Variants in SGCZ observed in about 807,000 individuals in gnomAD.
SGCZ encodes zeta-sarcoglycan.
A neutral mutation model predicts 41.3 loss-of-function variants in SGCZ; 40 were observed. The ratio of observed to expected loss-of-function variants is 0.97; its 90% CI spans 0.75 to 1.26. SGCZ has a LOEUF of 1.26. Among genes scored for constraint, SGCZ ranks in the 50% most tolerant of loss-of-function variants. The pLI is 0.00. For synonymous variants in SGCZ, 206 were observed against 137.5 expected (o/e 1.50, Z -3.49); for missense variants, 552 against 369.8 (o/e 1.49, Z -4.04).
At chr8:14,372,605 G>T (rs1284797470) in intron 2 of SGCZ, among the ~76,000 whole-genome samples, 2 of 152,118 alleles carry the variant, frequency 1.3e-5, no homozygotes, top group Admixed American at 6.6e-5. Flanking sequence ...AGATTTGTAG[G>T]AGCAGCCTCA....
intron 1 of SGCZ, among the ~76,000 whole-genome samples, chr8:14,704,194 T>C (rs924930738): frequency 3.3e-5 from 5 of 152,032 alleles, no homozygotes; most frequent in African/African-American, 1.2e-4. Context: ...TACTCATAGA[T>C]GTTTAAAAAG....
chr8:14,199,448 T>C (rs974070157), intron 4 of SGCZ, among the ~76,000 whole-genome samples: 18 of 152,210 alleles, frequency 1.2e-4, no homozygotes, highest in South Asian at 2.1e-4. Context: ...CCTTTGGTCC[T>C]GTGATCTCGC....
intron 1 of SGCZ, among the ~76,000 whole-genome samples, chr8:15,076,312 G>A (rs1805528887): frequency 6.6e-6 from 1 of 151,988 alleles, no homozygotes; most frequent in African/African-American, 2.4e-5. Flanking sequence ...AGGTGATATG[G>A]GTAAACACAG....
intron 1 of SGCZ, among the ~76,000 whole-genome samples, chr8:14,896,850 G>A (rs1396405122): frequency 1.3e-5 from 2 of 150,846 alleles, no homozygotes; most frequent in South Asian, 2.1e-4. Flanking sequence ...GTGTGAACTC[G>A]GCTCACTGCA....
intron 1 of SGCZ, among the ~76,000 whole-genome samples, chr8:14,567,472 C>T (rs555480127): frequency 4.6e-5 from 7 of 152,198 alleles, no homozygotes; most frequent in African/African-American, 1.2e-4. Context: ...GGATTGTAAA[C>T]GCACCAATCA....
rs538737514 is a variant in SGCZ, at chr8:14,871,365, C to G, written c.40-316439G>C. On this transcript the variant is annotated intron_variant, in intron 1 of 7. Transcript: ENST00000382080. The stretch of plus-strand genomic sequence containing the variant: ...ATCTAGAACAAGAAATACCATTTGA[C>G]CCAGTAATCCCATTACTGCGTATAT... Among the ~76,000 whole-genome samples the G allele has an allele frequency of 1.6e-4, 25 of 152,182 alleles. No homozygotes were observed. In the South Asian group the frequency reaches 5.2e-3, roughly 32 times the overall value.
intron 6 of SGCZ, among the ~76,000 whole-genome samples, chr8:14,104,596 A>G (rs1208691173): frequency 6.6e-6 from 1 of 152,116 alleles, no homozygotes; most frequent in Non-Finnish European, 1.5e-5. Context: ...AAGGAAAGAA[A>G]GCAAATACCC....
intron 3 of SGCZ, among the ~76,000 whole-genome samples, chr8:14,316,650 T>C (rs1801724983): frequency 6.6e-6 from 1 of 152,020 alleles, no homozygotes; most frequent in African/African-American, 2.4e-5. Context: ...ATTTTGGTTT[T>C]TTGACCTCTC....
intron 1 of SGCZ, among the ~76,000 whole-genome samples, chr8:14,993,191 A>T (rs1030448645): frequency 6.6e-6 from 1 of 152,172 alleles, no homozygotes; most frequent in Non-Finnish European, 1.5e-5. Context: ...ACAGCCCTTT[A>T]ACTCACGAAG....
chr8:14,403,010 T>C (rs986872864), intron 2 of SGCZ, among the ~76,000 whole-genome samples: 1 of 149,908 alleles, frequency 6.7e-6, no homozygotes, highest in Non-Finnish European at 1.5e-5. Context: ...TTCACATCCC[T>C]TGTAAGTTGG....
chr8:15,033,242 T>G (rs1178561146), intron 1 of SGCZ, among the ~76,000 whole-genome samples: 3 of 151,670 alleles, frequency 2.0e-5, no homozygotes, highest in Non-Finnish European at 4.4e-5. Flanking sequence ...AGACCTAGCC[T>G]CCAGCCCAAC....
intron 3 of SGCZ, among the ~76,000 whole-genome samples, chr8:14,283,732 T>G (rs58355257): frequency 6.6e-6 from 1 of 152,048 alleles, no homozygotes; most frequent in South Asian, 2.1e-4. Context: ...TAATAAATAG[T>G]TTAGGATTTC....
At chr8:14,152,143 C>T (rs1803728747) in intron 5 of SGCZ, among the ~76,000 whole-genome samples, 1 of 151,290 alleles carries the variant, frequency 6.6e-6, no homozygotes, top group Non-Finnish European at 1.5e-5. Flanking sequence ...AGAAAACAAG[C>T]TATGAGAGTA....
chr8:14,444,047 A>G (rs909551347), intron 2 of SGCZ, among the ~76,000 whole-genome samples: 2 of 152,246 alleles, frequency 1.3e-5, no homozygotes, highest in African/African-American at 4.8e-5. Flanking sequence ...TGCAGCCAAA[A>G]GACACATGAA....
At chr8:14,477,764 G>A (rs1162375547) in intron 2 of SGCZ, among the ~76,000 whole-genome samples, 1 of 152,166 alleles carries the variant, frequency 6.6e-6, no homozygotes, top group Non-Finnish European at 1.5e-5. Context: ...AGAAGGAAAT[G>A]TAGGAAATGT....
At chr8:15,193,513 A>G (rs1203836685) in intron 1 of SGCZ, among the ~76,000 whole-genome samples, 1 of 152,092 alleles carries the variant, frequency 6.6e-6, no homozygotes, top group East Asian at 1.9e-4. Context: ...GATGAAAAAT[A>G]TTGAAAACCA....
At chr8:14,459,543 T>C (rs1800843072) in intron 2 of SGCZ, among the ~76,000 whole-genome samples, 1 of 152,156 alleles carries the variant, frequency 6.6e-6, no homozygotes, top group African/African-American at 2.4e-5. Flanking sequence ...CTAATGTGAG[T>C]AAACAGAAGT....
At chr8:14,732,878 T>C (rs577066263) in intron 1 of SGCZ, among the ~76,000 whole-genome samples, 1 of 152,286 alleles carries the variant, frequency 6.6e-6, no homozygotes, top group East Asian at 1.9e-4. Context: ...ATGAATGGCC[T>C]GGTAATGATG....
At chr8:14,404,784 C>A (rs569359162) in intron 2 of SGCZ, among the ~76,000 whole-genome samples, 1 of 152,320 alleles carries the variant, frequency 6.6e-6, no homozygotes, top group African/African-American at 2.4e-5. Context: ...TCTCAAGGTG[C>A]TGAAACCTGC....
Sources: gnomAD v4.1 joint callset for allele counts (sites outside exome capture counted in the v4.1 genomes callset) on GRCh38, gnomAD v4.1.1 for gene constraint, MANE v1.5 for transcripts, NCBI Gene and HGNC (gene_info 2026-07-23, HGNC 2026-07-21) for gene names.